Variants in PTPN9 observed in about 807,000 individuals in gnomAD.
PTPN9 encodes the protein protein tyrosine phosphatase non-receptor type 9, also known as tyrosine-protein phosphatase non-receptor type 9.
PTPN9 carries 26 observed loss-of-function variants against 69.8 expected under a neutral mutation model. The ratio of observed to expected loss-of-function variants is 0.37; its 90% CI spans 0.27 to 0.52. The LOEUF is 0.52. PTPN9 is among the 20% of genes least tolerant of loss of function. The probability of loss-of-function intolerance (pLI) is 0.91; values close to 1 mark genes in which losing one functional copy is unlikely to be tolerated. For synonymous variants in PTPN9, 274 were observed against 272.5 expected, an observed-to-expected ratio of 1.01 and a Z score of -0.05; for missense variants, 549 against 740.3, an observed-to-expected ratio of 0.74 and a Z score of 3.00.
intron 8 of PTPN9, among the ~76,000 whole-genome samples, chr15:75,483,145 A>G (rs980655296): frequency 2.0e-5 from 3 of 152,206 alleles, no homozygotes; most frequent in Non-Finnish European, 4.4e-5. Flanking sequence ...GTAATGTAAA[A>G]TGCTGCAGTT....
At chr15:75,504,398 C>T (rs1482822635) in intron 7 of PTPN9, among the ~76,000 whole-genome samples, 2 of 128,158 alleles carry the variant, frequency 1.6e-5, no homozygotes, top group Non-Finnish European at 3.4e-5. Flanking sequence ...CTCAGCCCCC[C>T]GCCCGGCCAG....
chr15:75,481,775 T>C, intron 8 of PTPN9, among the ~76,000 whole-genome samples: 2 of 98,544 alleles, frequency 2.0e-5, no homozygotes, highest in Non-Finnish European at 4.2e-5. Context: ...CGGCCGCCCC[T>C]ACTGGGAAGT....
rs1212878407 is a variant in PTPN9, at chr15:75,466,297, G to A, written c.*2472C>T. 1 of 152,226 alleles carries A rather than the reference G, an allele frequency of 6.6e-6. No individual in the cohort carries two copies. The highest frequency in any genetic ancestry group is 6.5e-5 in the Admixed American group (1 of 15,286). 9.4% of individuals were successfully genotyped at this position (152,226 alleles called of 1,614,324 possible). A position where few individuals can be genotyped will look rare whatever the true frequency, so the allele number is the denominator to read the frequency against. ...GAGCATCCAGTAAATTGGCTGCTAT[G>A]ACTATTATTAAGAACACCCCAATAT... On this transcript the variant is annotated 3_prime_UTR_variant, in exon 13 of 13. Transcript: ENST00000618819.
intron 9 of PTPN9, among the ~76,000 whole-genome samples, chr15:75,476,862 C>A (rs1490391124): frequency 1.3e-5 from 2 of 152,196 alleles, no homozygotes; most frequent in Non-Finnish European, 1.5e-5. Flanking sequence ...CAGCAACTCT[C>A]ATATACTTCA....
intron 9 of PTPN9, among the ~76,000 whole-genome samples, chr15:75,478,731 A>G (rs1034136333): frequency 6.6e-6 from 1 of 152,208 alleles, no homozygotes; most frequent in African/African-American, 2.4e-5. Flanking sequence ...GCAATACACA[A>G]TGCAGGTGAT....
intron 4 of PTPN9, among the ~76,000 whole-genome samples, chr15:75,519,477 C>A (rs1290320187): frequency 6.6e-6 from 1 of 152,118 alleles, no homozygotes; most frequent in Non-Finnish European, 1.5e-5. Context: ...ATCCCTTTAA[C>A]AAATTCCAAG....
chr15:75,551,977 G>A (rs1462775465), intron 1 of PTPN9, among the ~76,000 whole-genome samples: 1 of 151,578 alleles, frequency 6.6e-6, no homozygotes, highest in Non-Finnish European at 1.5e-5. Flanking sequence ...GGGAGGTGGA[G>A]GTTACAGTGA....
chr15:75,496,266 T>C (rs1483570956), intron 7 of PTPN9, among the ~76,000 whole-genome samples: 1 of 150,930 alleles, frequency 6.6e-6, no homozygotes, highest in Non-Finnish European at 1.5e-5. Context: ...TGAAATCCCA[T>C]CTGTTCTAAA....
At chr15:75,476,778 T>A (rs1038264998) in intron 9 of PTPN9, among the ~76,000 whole-genome samples, 1 of 152,176 alleles carries the variant, frequency 6.6e-6, no homozygotes, top group Non-Finnish European at 1.5e-5. Flanking sequence ...AGTATACACA[T>A]CAAGAAGACA....
chr15:75,541,165 G>GT lies in PTPN9; in HGVS notation c.64-13905dup, dbSNP rs1207511312. 2.6e-5 allele frequency among the ~76,000 whole-genome samples: 4 copies of GT among 151,812 alleles called. No individual in the cohort carries two copies. The East Asian group carries it at 7.8e-4, about 30-fold the overall frequency. ...TGCAGTGGCATGATCATAGCTCAGT[G>GT]TAACCTTGAAGTCCTAGGCTCAAAT... On this transcript the variant is annotated intron_variant, in intron 1 of 12. Transcript: ENST00000618819.
In PTPN9 at chr15:75,578,792, G is replaced by A. The variant is rs2075185970; in HGVS notation, c.-16C>T. 1.6e-6 allele frequency: 2 copies of A among 1,230,724 alleles called. No homozygotes were observed. The highest frequency in any genetic ancestry group is 1.0e-6 in the Non-Finnish European group (1 of 986,972). The allele number at this position is 1,230,724 out of a possible 1,614,324, so 76.2% of individuals were successfully genotyped here. A position where few individuals can be genotyped will look rare whatever the true frequency, so the allele number is the denominator to read the frequency against. On this transcript the variant is annotated 5_prime_UTR_variant, in exon 1 of 13. Transcript: ENST00000618819. ...CGGGCTCCATCCCCCCGCCACCGCC[G>A]CCGGGCGGACAAAACTCGCTCGCGA...
At chr15:75,486,701 T>C (rs554330955) in intron 8 of PTPN9, among the ~76,000 whole-genome samples, 18 of 151,722 alleles carry the variant, frequency 1.2e-4, no homozygotes, top group African/African-American at 3.6e-4. Flanking sequence ...AGGTATTGTA[T>C]ACTTGAAAAT....
chr15:75,482,337 G>A (rs568883827), intron 8 of PTPN9, among the ~76,000 whole-genome samples: 19 of 152,140 alleles, frequency 1.2e-4, no homozygotes, highest in Non-Finnish European at 2.2e-4. Flanking sequence ...AGGCCGAGGC[G>A]GGCGGATGAC....
intron 1 of PTPN9, among the ~76,000 whole-genome samples, chr15:75,557,223 G>C (rs553271924): frequency 2.0e-5 from 3 of 151,898 alleles, no homozygotes; most frequent in Non-Finnish European, 4.4e-5. Context: ...TCAGGAGTTC[G>C]AGACCAGCCT....
At chr15:75,530,463 A>G (rs2074951106) in intron 1 of PTPN9, among the ~76,000 whole-genome samples, 1 of 102,992 alleles carries the variant, frequency 9.7e-6, no homozygotes, top group Non-Finnish European at 1.8e-5. Flanking sequence ...AATAAAATAT[A>G]TATTATAATA....
chr15:75,514,919 T>C (rs1224710770), intron 5 of PTPN9, among the ~76,000 whole-genome samples: 3 of 152,182 alleles, frequency 2.0e-5, no homozygotes, highest in South Asian at 2.1e-4. Flanking sequence ...GGAGAGGATG[T>C]AGATCAATGG....
intron 1 of PTPN9, among the ~76,000 whole-genome samples, chr15:75,559,160 G>A (rs1372163894): frequency 1.3e-5 from 2 of 151,754 alleles, no homozygotes; most frequent in Admixed American, 6.6e-5. Context: ...GGGATGTGAG[G>A]AGCGCCTCTG....
chr15:75,524,787 A>AAG (rs200840763), intron 2 of PTPN9, among the ~76,000 whole-genome samples: 1 of 121,368 alleles, frequency 8.2e-6, no homozygotes, highest in East Asian at 1.9e-4. Context: ...CAAAAAAAAA[A>AAG]AAAAAAAAAA....
chr15:75,469,863 C>G lies in PTPN9; in HGVS notation c.1496G>C (p.Gly499Ala), dbSNP rs1317983377. The G allele has an allele frequency of 6.2e-7, 1 of 1,614,020 alleles. No individual in the cohort carries two copies. The change falls in exon 12 of 13, where the codon GGA (glycine) becomes GCA (alanine). Residue 499 changes from glycine (G) to alanine (A), a missense_variant. Transcript: ENST00000618819. The stretch of plus-strand genomic sequence containing the variant: ...AGGGCACTGCCCTTTGGAGCGTGCT[C>G]CCATGTTGCTCACAGCCAGACTCTG... Reference protein sequence around the residue: ...NQQSLAVSNMGARSKGQCPEP... With the variant: ...NQQSLAVSNMAARSKGQCPEP...
Sources: allele counts gnomAD v4.1 joint callset (sites outside exome capture counted in the v4.1 genomes callset), GRCh38; gene constraint gnomAD v4.1.1; transcripts MANE v1.5; gene names NCBI Gene and HGNC (gene_info 2026-07-23, HGNC 2026-07-21).